The following SPATA21 variants were observed in gnomAD, a reference collection of about 807,000 sequenced individuals.
The protein encoded by SPATA21 is spermatogenesis-associated protein 21.
Under a neutral mutation model 54.8 loss-of-function variants are expected in SPATA21, and 47 were observed. The ratio of observed to expected loss-of-function variants is 0.86; its 90% CI spans 0.68 to 1.09. The LOEUF (loss-of-function observed/expected upper bound fraction) is 1.09, where lower values mean the gene tolerates loss of function less well. SPATA21 is among the 50% of genes least tolerant of loss of function. The pLI, the probability that SPATA21 is intolerant of heterozygous loss-of-function variation, is 0.00. For missense variants in SPATA21, 599 were observed against 596.4 expected (o/e 1.00, Z -0.05); for synonymous variants, 245 against 235.3 (o/e 1.04, Z -0.38).
chr1:16,404,126 G>C lies in SPATA21; in HGVS notation c.812-87C>G, dbSNP rs1014743205. On this transcript the variant is annotated intron_variant, in intron 8 of 12. Coordinates refer to ENST00000335496, the MANE Select transcript of SPATA21 (RefSeq NM_198546.1). ...CCAGGCGTGGTTATTAGAAGTCACT[G>C]TCTGGGTCTGATTATCAAGCAGTGC... The C allele has an allele frequency of 2.6e-5, 29 of 1,132,704 alleles. 1 individual carries two copies. In the East Asian group the frequency reaches 7.4e-4, roughly 29 times the overall value. The allele number at this position is 1,132,704 out of a possible 1,614,324, so 70.2% of individuals were successfully genotyped here. A position where few individuals can be genotyped will look rare whatever the true frequency, so the allele number is the denominator to read the frequency against.
chr1:16,403,766 A>G lies in SPATA21; in HGVS notation c.962T>C (p.Met321Thr). The part of the protein sequence containing the change: ...LFEILSLLVE[M>T]LALPEAVLEE... ...TAAGACTGCCTCTGGTAAGGCCAGC[A>G]TCTCTACCAGCAGGGACAGGATCTC... The change falls in exon 10 of 13, where the codon ATG becomes ACG. Residue 321 changes from methionine to threonine, a missense_variant. Physicochemically the swap from Met to Thr is moderately conservative, Grantham distance 81. Transcript: ENST00000335496. 1 of 1,614,054 alleles carries G rather than the reference A, an allele frequency of 6.2e-7. No individual in the cohort carries two copies. Among genetic ancestry groups the G allele is most frequent in the Non-Finnish European group, 8.5e-7 (1 of 1,179,974 alleles).
chr1:16,414,147 C>T (rs1363582475), intron 5 of SPATA21, among the ~76,000 whole-genome samples: 1 of 151,946 alleles, frequency 6.6e-6, no homozygotes, highest in Admixed American at 6.6e-5. Flanking sequence ...CTCACTGCAA[C>T]CTCCGCCTCC....
At chr1:16,435,980 C>T (rs913558732) in intron 1 of SPATA21, among the ~76,000 whole-genome samples, 13 of 152,206 alleles carry the variant, frequency 8.5e-5, no homozygotes, top group African/African-American at 2.2e-4. Flanking sequence ...CGGCCTGGTG[C>T]GGTGGCTCAC....
intron 12 of SPATA21, 55 bp from the exon 13 acceptor site, chr1:16,398,877 G>T: frequency 6.4e-7 from 1 of 1,562,860 alleles, no homozygotes; most frequent in Non-Finnish European, 8.7e-7. Context: ...TTCCCTATCT[G>T]CCAGTATATG....
chr1:16,397,950 G>T, downstream of SPATA21: 1 of 593,874 alleles, frequency 1.7e-6, no homozygotes, highest in Non-Finnish European at 2.1e-6. This position sits in a 1 kb window ranked among gnomAD's most constrained non-coding sequence, Gnocchi z 5.4. Flanking sequence ...CTGGTCGTGT[G>T]ATCCCAGGGG....
At chr1:16,431,264 G>A (rs2086450536) in intron 3 of SPATA21, 74 bp downstream of exon 3, 1 of 1,613,434 alleles carries the variant, frequency 6.2e-7, no homozygotes, top group Admixed American at 1.7e-5. Flanking sequence ...CTGGTATGAT[G>A]GGCTCAACAC....
Position 16,403,991 on chromosome 1 carries a change from G to T in SPATA21, c.860C>A (p.Thr287Asn). Residue 287 changes from threonine to asparagine, a missense_variant, in exon 9 of 13, where the codon ACC becomes AAC. Physicochemically the swap from Thr to Asn is moderately conservative, Grantham distance 65. Transcript: ENST00000335496. The part of the protein sequence containing the change: ...FKDFLAVMTD[T>N]RRFFCSVEQN... The stretch of plus-strand genomic sequence containing the variant: ...ACCCACAGAGCAGAAGAAGCGCCTG[G>T]TGTCTGTCATCACAGCCAAGAAGTC... The T allele has an allele frequency of 6.4e-7, 1 of 1,570,086 alleles. No individual in the cohort carries two copies. Among genetic ancestry groups the T allele is most frequent in the Non-Finnish European group, 8.6e-7 (1 of 1,157,172 alleles).
At chr1:16,427,758 T>G in intron 3 of SPATA21, 55 of 1,255,754 alleles carry the variant, frequency 4.4e-5, no homozygotes, top group Non-Finnish European at 5.5e-5. Flanking sequence ...CTGTCGTGGG[T>G]GGAGCTGCCT....
At position 16,400,862 on chromosome 1, in the gene SPATA21, G is replaced by A. The variant is rs775448114; in HGVS notation, c.1032C>T (p.Thr344=). ...CCGCTTCCATCTCCTGGGCCTTGCA[G>A]GTGCCTTCCTTCAGCTTTTTCTGGT... is the stretch of plus-strand genomic sequence containing the variant. The part of the protein sequence containing the change: ...NYYQKKLKEG[T]CKAQEMEAAV... The change falls in exon 11 of 13, where the codon ACC becomes ACT. Residue 344 remains threonine (T), a synonymous_variant. Transcript: ENST00000335496. The A allele has an allele frequency of 1.2e-6, 2 of 1,613,524 alleles. No homozygotes were observed. Among genetic ancestry groups the A allele is most frequent in the South Asian group, 2.2e-5 (2 of 91,074 alleles).
intron 5 of SPATA21, among the ~76,000 whole-genome samples, chr1:16,417,630 T>TTC (rs2086050339): frequency 6.6e-6 from 1 of 151,972 alleles, no homozygotes; most frequent in Non-Finnish European, 1.5e-5. Context: ...GGGTTTTTTT[T>TTC]CCCCATGTTG....
At chr1:16,408,069 G>A (rs533167634) in intron 7 of SPATA21, among the ~76,000 whole-genome samples, 2 of 152,300 alleles carry the variant, frequency 1.3e-5, no homozygotes, top group African/African-American at 4.8e-5. Context: ...GCCCAGCCCT[G>A]GTAGAGGGTT....
At position 16,409,534 on chromosome 1, in the gene SPATA21, C is replaced by A. The variant is rs1467799466; in HGVS notation, c.587+67G>T. 6.6e-7 allele frequency: 1 copy of A among 1,512,634 alleles called. No individual in the cohort carries two copies. The highest frequency in any genetic ancestry group is 1.4e-5 in the African/African-American group (1 of 73,064). 93.7% of individuals were successfully genotyped at this position (1,512,634 alleles called of 1,614,324 possible). A position where few individuals can be genotyped will look rare whatever the true frequency, so the allele number is the denominator to read the frequency against. On this transcript the variant is annotated intron_variant, in intron 6 of 12. Coordinates refer to ENST00000335496, the MANE Select transcript of SPATA21 (RefSeq NM_198546.1). This position sits in a 1 kb window ranked among gnomAD's most constrained non-coding sequence, Gnocchi z 4.1. ...AGGCAGGTGCAGGGACAGGGACCTG[C>A]ATCCGGGACAAGGCTCTGATCTTGG...
Position 16,409,184 on chromosome 1 carries a change from T to G in SPATA21, c.607A>C (p.Ser203Arg). ...CGGTTTTGATAAAGCTTTTGGAGGC[T>G]CTGCTCTTCCGGCTCCTGCCTGCAG... ...AKARQEPEEQ[S>R]LQKLYQNREK... is the part of the protein sequence containing the mutation. Residue 203 changes from serine (S) to arginine (R), a missense_variant, in exon 7 of 13, where the codon AGC becomes CGC. Transcript: ENST00000335496. This position sits in a 1 kb window ranked among gnomAD's most constrained non-coding sequence, Gnocchi z 4.1. The G allele has an allele frequency of 6.2e-7, 1 of 1,614,140 alleles. No individual in the cohort carries two copies. The highest frequency in any genetic ancestry group is 1.1e-5 in the South Asian group (1 of 91,088).
Position 16,428,965 on chromosome 1 carries a change from G to T in SPATA21, c.34+2373C>A, listed in dbSNP as rs2086388165. ...ACATCACACAGCTGGGTAAGTGGTG[G>T]GACTGGGACCCCATGACGGTGCTTG... On this transcript the variant is annotated intron_variant, in intron 3 of 12. Transcript: ENST00000335496. This position sits in a 1 kb window ranked among gnomAD's most constrained non-coding sequence, Gnocchi z 4.3. 6.6e-6 allele frequency among the ~76,000 whole-genome samples: 1 copy of T among 152,046 alleles called. No individual in the cohort carries two copies. Among genetic ancestry groups the T allele is most frequent in the Admixed American group, 6.6e-5 (1 of 15,244 alleles).
intron 5 of SPATA21, among the ~76,000 whole-genome samples, chr1:16,412,187 C>G (rs2085871359): frequency 6.6e-6 from 1 of 152,172 alleles, no homozygotes; most frequent in Non-Finnish European, 1.5e-5. Flanking sequence ...TTCCCCTGCT[C>G]TGGACTCCCT....
chr1:16,426,577 ATATTTTTT>A (rs1364075924), intron 3 of SPATA21, among the ~76,000 whole-genome samples: 17 of 111,152 alleles, frequency 1.5e-4, no homozygotes, highest in African/African-American at 5.5e-4. Flanking sequence ...ATATATATAT[ATATTTTTT>A]TTTTTTTTTT....
intron 3 of SPATA21, chr1:16,425,644 G>A: frequency 1.9e-6 from 3 of 1,550,286 alleles, no homozygotes; most frequent in Non-Finnish European, 2.6e-6. Flanking sequence ...CAGGAACCCA[G>A]GAAGGCAGCA....
At chr1:16,415,760 A>G (rs1026386720) in intron 5 of SPATA21, among the ~76,000 whole-genome samples, 7 of 152,134 alleles carry the variant, frequency 4.6e-5, no homozygotes, top group Non-Finnish European at 7.4e-5. Context: ...GGGTTTCACC[A>G]TGTTAGCCAG....
downstream of SPATA21, chr1:16,397,917 A>G (rs1337623271): frequency 1.2e-5 from 6 of 498,546 alleles, no homozygotes; most frequent in South Asian, 2.6e-4. This position sits in a 1 kb window ranked among gnomAD's most constrained non-coding sequence, Gnocchi z 5.4. Flanking sequence ...CAGAGACTCA[A>G]GAAACCTCTG....
Sources: allele counts gnomAD v4.1 joint callset (sites outside exome capture counted in the v4.1 genomes callset), GRCh38; gene constraint gnomAD v4.1.1; non-coding constraint Gnocchi (gnomAD v3.1); transcripts MANE v1.5; gene names NCBI Gene and HGNC (gene_info 2026-07-23, HGNC 2026-07-21).